Variants in CTNND2 observed in about 807,000 individuals in gnomAD.
CTNND2 encodes catenin delta-2.
In CTNND2, 22 loss-of-function variants were observed where a neutral mutation model predicts 144.4. That is an observed-to-expected ratio of 0.15 (90% CI 0.11 to 0.22). The LOEUF (loss-of-function observed/expected upper bound fraction) is 0.22, where lower values mean the gene tolerates loss of function less well. Ranked by LOEUF, CTNND2 falls within the 10% of genes least tolerant of loss-of-function variation. The pLI is 1.00. For missense variants in CTNND2, 1,353 were observed against 1,618.8 expected (o/e 0.84, Z 2.82); for synonymous variants, 751 against 695.6 (o/e 1.08, Z -1.25).
chr5:11,397,511 G>C (rs1760256952), intron 5 of CTNND2, among the ~76,000 whole-genome samples: 1 of 151,908 alleles, frequency 6.6e-6, no homozygotes, highest in Non-Finnish European at 1.5e-5. Context: ...AGTTATTTTG[G>C]GATCAGACAA....
intron 16 of CTNND2, among the ~76,000 whole-genome samples, chr5:11,066,132 T>C (rs552047687): frequency 1.8e-4 from 28 of 152,068 alleles, no homozygotes; most frequent in African/African-American, 6.5e-4. Flanking sequence ...CTCCGTCTCC[T>C]GGGTTTAAGA....
At position 11,762,695 on chromosome 5, in the gene CTNND2, C is replaced by T. The variant is rs115099940; in HGVS notation, c.38-30423G>A. On this transcript the variant is annotated intron_variant, in intron 1 of 21. Transcript: ENST00000304623. ...AGGCCTTCACGAATAATAAGTTTAT[C>T]GTCCTGGAGTTGCCTGGAGCAGCTC... Among the ~76,000 whole-genome samples the T allele has an allele frequency of 4.0e-3, 605 of 152,234 alleles. 4 individuals are homozygous for T. The highest frequency in any genetic ancestry group is 0.013 in the African/African-American group (560 of 41,554).
chr5:11,802,660 G>A (rs1348835780), intron 1 of CTNND2, among the ~76,000 whole-genome samples: 1 of 152,114 alleles, frequency 6.6e-6, no homozygotes, highest in Non-Finnish European at 1.5e-5. Flanking sequence ...ACTTTACCAG[G>A]TCATATATAA....
intron 11 of CTNND2, among the ~76,000 whole-genome samples, chr5:11,167,799 A>G (rs1026462017): frequency 4.7e-5 from 7 of 150,102 alleles, no homozygotes; most frequent in Admixed American, 2.7e-4. Context: ...CAACCTCCTG[A>G]GCCCAAGTGA....
Position 11,903,062 on chromosome 5 carries a change from G to C in CTNND2, c.37+755C>G. 2 of 375,970 alleles carry C rather than the reference G, an allele frequency of 5.3e-6. No individual in the cohort carries two copies. The highest frequency in any genetic ancestry group is 7.3e-6 in the Non-Finnish European group (2 of 272,784). The allele number at this position is 375,970 out of a possible 1,614,324, so 23.3% of individuals were successfully genotyped here. A position where few individuals can be genotyped will look rare whatever the true frequency, so the allele number is the denominator to read the frequency against. On this transcript the variant is annotated intron_variant, in intron 1 of 21. Transcript: ENST00000304623. This position sits in a 1 kb window ranked among gnomAD's most constrained non-coding sequence, Gnocchi z 5.4. ...GAAAACACACTACACACCAGAATAA[G>C]ATGAGGGTCGGGAAAAAAAGAAAAA... is the stretch of plus-strand genomic sequence containing the variant.
intron 2 of CTNND2, among the ~76,000 whole-genome samples, chr5:11,645,030 A>G (rs934634472): frequency 1.3e-5 from 2 of 152,116 alleles, no homozygotes; most frequent in Non-Finnish European, 2.9e-5. Context: ...CTGCATAACC[A>G]TCATAGCTCA....
intron 6 of CTNND2, among the ~76,000 whole-genome samples, chr5:11,386,600 A>G (rs1281318920): frequency 6.6e-6 from 1 of 152,216 alleles, no homozygotes; most frequent in Non-Finnish European, 1.5e-5. Context: ...GACTTTCTCT[A>G]TGCAGAGTGT....
chr5:11,561,878 C>T (rs7703734), intron 3 of CTNND2, among the ~76,000 whole-genome samples: 30,126 of 151,850 alleles, frequency 0.2, 3,327 homozygotes, highest in African/African-American at 0.31. Flanking sequence ...CCTGTCTCTA[C>T]CTAAAATATT....
At chr5:11,162,145 T>G (rs950389829) in intron 11 of CTNND2, among the ~76,000 whole-genome samples, 21 of 151,938 alleles carry the variant, frequency 1.4e-4, no homozygotes, top group African/African-American at 4.8e-4. Flanking sequence ...AGAGCAAGGT[T>G]CCATCTCGGG....
intron 1 of CTNND2, among the ~76,000 whole-genome samples, chr5:11,902,460 G>A (rs1005847297): frequency 6.6e-6 from 1 of 152,134 alleles, no homozygotes; most frequent in African/African-American, 2.4e-5. Context: ...CATTATGTAG[G>A]TGAATGACCA....
Position 11,663,533 on chromosome 5 carries a change from A to G in CTNND2, c.174+68603T>C, listed in dbSNP as rs182243273. 5.4e-3 allele frequency among the ~76,000 whole-genome samples: 824 copies of G among 152,320 alleles called. 22 individuals carry two copies. Among genetic ancestry groups the G allele is most frequent in the Admixed American group, 0.042 (638 of 15,286 alleles). On this transcript the variant is annotated intron_variant, in intron 2 of 21. Transcript: ENST00000304623. The stretch of plus-strand genomic sequence containing the variant: ...TGATGTCTTCCTAACAGCATGAATT[A>G]AACTACATATGTGTGTATAAAATGC...
At position 11,205,224 on chromosome 5, in the gene CTNND2, T is replaced by C. The variant is rs139607537; in HGVS notation, c.1762-5563A>G. Among the ~76,000 whole-genome samples the C allele has an allele frequency of 1.7e-4, 26 of 152,184 alleles. 1 individual carries two copies. Among genetic ancestry groups the C allele is most frequent in the African/African-American group, 6.3e-4 (26 of 41,482 alleles). On this transcript the variant is annotated intron_variant, in intron 10 of 21. Coordinates refer to ENST00000304623, the MANE Select transcript of CTNND2 (RefSeq NM_001332.4). ...TATCATATATACACACATACACATA[T>C]ATAGTATACACACACACACAAACTA...
chr5:11,616,873 T>C (rs1780607914), intron 2 of CTNND2, among the ~76,000 whole-genome samples: 2 of 152,160 alleles, frequency 1.3e-5, no homozygotes, highest in African/African-American at 2.4e-5. Flanking sequence ...TCCCAAAGTG[T>C]TGGGATTACA....
At chr5:11,621,859 G>C (rs1419523210) in intron 2 of CTNND2, among the ~76,000 whole-genome samples, 1 of 152,114 alleles carries the variant, frequency 6.6e-6, no homozygotes, top group Non-Finnish European at 1.5e-5. Context: ...ATGTAGGCGG[G>C]GCTGTCATAG....
intron 2 of CTNND2, among the ~76,000 whole-genome samples, chr5:11,702,659 G>A (rs890999432): frequency 5.9e-5 from 9 of 152,168 alleles, no homozygotes; most frequent in Non-Finnish European, 1.0e-4. Context: ...GGATCCTAGG[G>A]TGGAAATCTC....
intron 16 of CTNND2, among the ~76,000 whole-genome samples, chr5:11,074,333 C>T (rs1421123983): frequency 6.6e-6 from 1 of 152,156 alleles, no homozygotes; most frequent in Non-Finnish European, 1.5e-5. Context: ...CTCAGTTTCG[C>T]CAGCAGACAG....
intron 1 of CTNND2, among the ~76,000 whole-genome samples, chr5:11,858,962 A>G (rs1795377028): frequency 6.6e-6 from 1 of 152,202 alleles, no homozygotes; most frequent in Non-Finnish European, 1.5e-5. Flanking sequence ...AACAACAATA[A>G]AACTAGCTAA....
At chr5:11,167,748 T>G (rs1357882776) in intron 11 of CTNND2, among the ~76,000 whole-genome samples, 2 of 150,458 alleles carry the variant, frequency 1.3e-5, no homozygotes, top group Non-Finnish European at 2.9e-5. Flanking sequence ...CAGGTTAGAG[T>G]GCAGCGGCGT....
chr5:11,162,814 G>A (rs1758909333), intron 11 of CTNND2, among the ~76,000 whole-genome samples: 1 of 151,844 alleles, frequency 6.6e-6, no homozygotes, highest in South Asian at 2.1e-4. Context: ...GGAGACAACT[G>A]AGATGAAGAT....
Sources: allele counts gnomAD v4.1 joint callset (sites outside exome capture counted in the v4.1 genomes callset), GRCh38; gene constraint gnomAD v4.1.1; non-coding constraint Gnocchi (gnomAD v3.1); transcripts MANE v1.5; gene names NCBI Gene and HGNC (gene_info 2026-07-23, HGNC 2026-07-21).